DNAH11: variants seen among roughly 807,000 people sequenced by gnomAD.
The protein encoded by DNAH11 is dynein axonemal heavy chain 11, also known as axonemal beta dynein heavy chain 11.
Under a neutral mutation model 526.0 loss-of-function variants are expected in DNAH11, and 442 were observed. The observed-to-expected ratio is 0.84, with a 90% CI of 0.78 to 0.91. DNAH11 has a LOEUF of 0.91. Ranked by LOEUF, DNAH11 falls within the 40% of genes least tolerant of loss-of-function variation. The pLI is 0.00. For synonymous variants in DNAH11, 2,461 were observed against 1,935.9 expected (o/e 1.27, Z -7.12); for missense variants, 6,989 against 5,448.7 (o/e 1.28, Z -8.90).
intron 2 of DNAH11, among the ~76,000 whole-genome samples, chr7:21,553,734 G>A (rs897672320): frequency 6.6e-6 from 1 of 152,010 alleles, no homozygotes; most frequent in Non-Finnish European, 1.5e-5. Context: ...TCTGTCATTC[G>A]CCTTGTCTCC....
At chr7:21,770,982 A>G (rs1391398609) in intron 55 of DNAH11, among the ~76,000 whole-genome samples, 1 of 152,224 alleles carries the variant, frequency 6.6e-6, no homozygotes, top group Non-Finnish European at 1.5e-5. Context: ...TATCTTATTA[A>G]TATATTCTTC....
rs114067779 is a variant in DNAH11 at position 21,619,317 on chromosome 7, G to T, written c.4377+95G>T. On this transcript the variant is annotated intron_variant, in intron 24 of 81. Coordinates refer to ENST00000409508, the MANE Select transcript of DNAH11 (RefSeq NM_001277115.2). Reference sequence around the variant, plus strand: ...GAAAAGTCCTTTTGATGTCCTGGGAGCCTGGAGAGATGAGTCCCAGTTTGT... The same window carrying T: ...GAAAAGTCCTTTTGATGTCCTGGGATCCTGGAGAGATGAGTCCCAGTTTGT... 1,220 of 1,428,294 alleles carry T rather than the reference G, an allele frequency of 8.5e-4. 12 individuals are homozygous for T. In the African/African-American group the frequency reaches 0.016, roughly 19 times the overall value. 88.5% of individuals were successfully genotyped at this position (1,428,294 alleles called of 1,614,324 possible). A position where few individuals can be genotyped will look rare whatever the true frequency, so the allele number is the denominator to read the frequency against.
At chr7:21,872,875 C>T (rs1330641395) in intron 73 of DNAH11, among the ~76,000 whole-genome samples, 2 of 152,162 alleles carry the variant, frequency 1.3e-5, no homozygotes, top group Non-Finnish European at 2.9e-5. Flanking sequence ...AGGCACATTT[C>T]TGGCTTTTAG....
Position 21,842,608 on chromosome 7 carries a change from A to G in DNAH11, c.10756A>G (p.Lys3586Glu). The G allele has an allele frequency of 1.9e-6, 3 of 1,613,950 alleles. No homozygotes were observed. Among genetic ancestry groups the G allele is most frequent in the Non-Finnish European group, 2.5e-6 (3 of 1,179,876 alleles). Residue 3586 changes from lysine (K) to glutamate (E), a missense_variant, in exon 66 of 82, where the codon AAA becomes GAA. By Grantham distance (56) the Lys-to-Glu change is moderately conservative. Transcript: ENST00000409508. ...NKNFRLILHT[K>E]LANPHYKPEL... ...GAACTTTCGCCTTATCCTTCACACAAAATTGGCAAATCCTCACTATAAGCC... is the reference window on the plus strand; with the variant it reads ...GAACTTTCGCCTTATCCTTCACACAGAATTGGCAAATCCTCACTATAAGCC...
intron 55 of DNAH11, 135 bp from the exon 56 acceptor site, chr7:21,773,631 A>C: frequency 3.0e-6 from 2 of 673,970 alleles, no homozygotes; most frequent in South Asian, 2.5e-5. Flanking sequence ...TTAAAGATTA[A>C]ATAAGTTTTC....
intron 30 of DNAH11, among the ~76,000 whole-genome samples, chr7:21,667,186 C>T (rs1239088485): frequency 6.6e-6 from 1 of 152,036 alleles, no homozygotes; most frequent in Admixed American, 6.6e-5. Flanking sequence ...CCCTGTATAT[C>T]CCAAGAGGCT....
At position 21,671,532 on chromosome 7, in the gene DNAH11, A is replaced by AT. The variant is rs141360898; in HGVS notation, c.5329-10006dup. ...CTTTCATTTCTGGGGTTCGTAATTTATTTTTTTTCTCTTTTTTTTCTTAAT... is the reference window on the plus strand; with the variant it reads ...CTTTCATTTCTGGGGTTCGTAATTTATTTTTTTTTCTCTTTTTTTTCTTAAT... On this transcript the variant is annotated intron_variant, in intron 30 of 81. Coordinates refer to ENST00000409508, the MANE Select transcript of DNAH11 (RefSeq NM_001277115.2). 4.7e-3 allele frequency among the ~76,000 whole-genome samples: 716 copies of AT among 151,112 alleles called. 9 individuals are homozygous for AT. The highest frequency in any genetic ancestry group is 0.017 in the African/African-American group (680 of 41,192).
intron 66 of DNAH11, among the ~76,000 whole-genome samples, chr7:21,846,565 G>T (rs1004780394): frequency 1.3e-5 from 2 of 151,984 alleles, no homozygotes; most frequent in African/African-American, 4.8e-5. Context: ...ATCCCACTTG[G>T]TCGTGGTGTT....
At chr7:21,633,215 C>G (rs1016945949) in intron 25 of DNAH11, among the ~76,000 whole-genome samples, 7 of 152,198 alleles carry the variant, frequency 4.6e-5, no homozygotes, top group African/African-American at 1.7e-4. Context: ...CACAGCCAAA[C>G]CATATCACTG....
At chr7:21,741,403 A>G (rs553207440) in intron 48 of DNAH11, among the ~76,000 whole-genome samples, 72 of 152,358 alleles carry the variant, frequency 4.7e-4, no homozygotes, top group Non-Finnish European at 5.6e-4. Context: ...AGAAGCTGCT[A>G]TAAACATTTG....
intron 52 of DNAH11, among the ~76,000 whole-genome samples, chr7:21,749,418 G>A (rs959485869): frequency 1.3e-5 from 2 of 152,166 alleles, no homozygotes; most frequent in African/African-American, 4.8e-5. Flanking sequence ...AAGGGAGTTG[G>A]TGATCTGTAG....
Position 21,687,445 on chromosome 7 carries a change from A to C in DNAH11, c.5842A>C (p.Asn1948His). Residue 1948 changes from asparagine (N) to histidine (H), a missense_variant, in exon 34 of 82, where the codon AAC becomes CAC. Transcript: ENST00000409508. The part of the protein sequence containing the change: ...TGAWGCFDEF[N>H]RISVEVLSVV... ...AGCTTGGGGCTGCTTTGATGAGTTC[A>C]ACCGAATCTCTGTGGAAGTTCTGTC... is the stretch of plus-strand genomic sequence containing the variant. 6.2e-7 allele frequency: 1 copy of C among 1,614,058 alleles called. No homozygotes were observed. The highest frequency in any genetic ancestry group is 8.5e-7 in the Non-Finnish European group (1 of 1,179,950).
chr7:21,775,309 C>G (rs6954950), intron 56 of DNAH11, among the ~76,000 whole-genome samples: 49,985 of 151,882 alleles, frequency 0.33, 9,261 homozygotes, highest in African/African-American at 0.46. Flanking sequence ...GCACCTTCTC[C>G]TTTCCTCTCA....
At chr7:21,583,261 G>T (rs1262423630) in intron 9 of DNAH11, among the ~76,000 whole-genome samples, 1 of 151,900 alleles carries the variant, frequency 6.6e-6, no homozygotes, top group Non-Finnish European at 1.5e-5. Context: ...GAACAGAACA[G>T]AGGCCTCAGA....
intron 30 of DNAH11, among the ~76,000 whole-genome samples, chr7:21,669,663 G>C (rs968703409): frequency 8.6e-5 from 13 of 150,482 alleles, no homozygotes; most frequent in Non-Finnish European, 1.5e-4. Context: ...CTTTTTGTGT[G>C]TGTGTGTGTG....
At chr7:21,763,825 T>TATACATAC (rs1562532150) in intron 54 of DNAH11, among the ~76,000 whole-genome samples, 49 of 148,474 alleles carry the variant, frequency 3.3e-4, no homozygotes, top group African/African-American at 1.1e-3. Context: ...TATATATACA[T>TATACATAC]ATATATATAT....
intron 22 of DNAH11, among the ~76,000 whole-genome samples, chr7:21,616,897 A>C (rs1785807256): frequency 1.3e-5 from 2 of 152,216 alleles, no homozygotes; most frequent in Non-Finnish European, 2.9e-5. Flanking sequence ...AAGGCAGTTA[A>C]AAGTGACAGG....
At chr7:21,861,825 AT>A (rs1783073584) in intron 68 of DNAH11, 27 bp from the exon 69 acceptor site, 1 of 1,609,528 alleles carries the variant, frequency 6.2e-7, no homozygotes, top group Non-Finnish European at 8.5e-7. Flanking sequence ...CAGTTGTCAC[AT>A]TTTAATGGTC....
At chr7:21,829,970 A>G (rs973563313) in intron 65 of DNAH11, among the ~76,000 whole-genome samples, 1 of 152,226 alleles carries the variant, frequency 6.6e-6, no homozygotes, top group East Asian at 1.9e-4. Flanking sequence ...GCTATCTTCC[A>G]ACAGTAACGA....
Sources: allele counts gnomAD v4.1 joint callset (sites outside exome capture counted in the v4.1 genomes callset), GRCh38; gene constraint gnomAD v4.1.1; transcripts MANE v1.5; gene names NCBI Gene and HGNC (gene_info 2026-07-23, HGNC 2026-07-21).